ZNF133: variants seen among roughly 807,000 people sequenced by gnomAD.
ZNF133 encodes zinc finger protein 133 (clone pHZ-13).
In ZNF133, 26 loss-of-function variants were observed where a neutral mutation model predicts 54.9. The observed-to-expected ratio is 0.47, with a 90% CI of 0.35 to 0.66. ZNF133 has a LOEUF of 0.66. Ranked by LOEUF, ZNF133 falls within the 30% of genes least tolerant of loss-of-function variation. The pLI is 0.01. For synonymous variants in ZNF133, 298 were observed against 320.3 expected (o/e 0.93, Z 0.74); for missense variants, 653 against 820.8 (o/e 0.80, Z 2.50).
Position 18,316,529 on chromosome 20 carries a change from G to C in ZNF133, c.1678G>C (p.Gly560Arg). ...YMCRQCGLGF[G>R]NKSALITHKR... Reference sequence around the variant, plus strand: ...GTGCAGGCAGTGTGGACTGGGCTTTGGCAATAAGTCAGCTCTAATTACACA... The same window carrying C: ...GTGCAGGCAGTGTGGACTGGGCTTTCGCAATAAGTCAGCTCTAATTACACA... The change falls in exon 7 of 7, where the codon GGC (glycine) becomes CGC (arginine). Residue 560 changes from glycine to arginine, a missense_variant. By Grantham distance (125) the Gly-to-Arg change is moderately radical (BLOSUM62 -2). This residue lies in a region of ZNF133 where 129 missense variants were observed against 138.5 expected (regional missense o/e 0.93). Coordinates refer to ENST00000425686, the MANE Select transcript of ZNF133 (RefSeq NM_001352452.2). The C allele has an allele frequency of 6.2e-7, 1 of 1,613,994 alleles. No homozygotes were observed. Among genetic ancestry groups the C allele is most frequent in the Non-Finnish European group, 8.5e-7 (1 of 1,179,872 alleles).
In ZNF133 at chr20:18,316,095, G is replaced by A. The variant is rs748381291; in HGVS notation, c.1244G>A (p.Cys415Tyr). ...GAGAAGCCCTATGTGTGCGGGGTGT[G>A]TGGGCACAGCTTCAGCCAGAATTCA... ...SKEKPYVCGV[C>Y]GHSFSQNSTL... Residue 415 changes from cysteine to tyrosine, a missense_variant, in exon 7 of 7, where the codon TGT becomes TAT. Cys to Tyr is a radical substitution (Grantham distance 194). Transcript: ENST00000425686. 6.2e-7 allele frequency: 1 copy of A among 1,613,226 alleles called. No homozygotes were observed. The highest frequency in any genetic ancestry group is 1.7e-5 in the Admixed American group (1 of 59,984).
chr20:18,294,784 A>C (rs1474567952), intron 1 of ZNF133, among the ~76,000 whole-genome samples: 1 of 152,202 alleles, frequency 6.6e-6, no homozygotes, highest in Non-Finnish European at 1.5e-5. Context: ...ATCCCCTAAA[A>C]TTGAACCAGT....
At chr20:18,313,227 A>C (rs1473961065) in intron 6 of ZNF133, 2 of 152,182 alleles carry the variant, frequency 1.3e-5, no homozygotes, top group Non-Finnish European at 2.9e-5. Flanking sequence ...CCAACTGAAA[A>C]AACTGACTAA....
At chr20:18,303,220 A>AT (rs1243510607) in intron 3 of ZNF133, among the ~76,000 whole-genome samples, 1 of 151,728 alleles carries the variant, frequency 6.6e-6, no homozygotes, top group African/African-American at 2.4e-5. Flanking sequence ...TAATTTTTGT[A>AT]TTTTTTAATA....
chr20:18,293,273 G>C (rs2041482576), intron 1 of ZNF133, among the ~76,000 whole-genome samples: 1 of 152,178 alleles, frequency 6.6e-6, no homozygotes, highest in African/African-American at 2.4e-5. Flanking sequence ...AGTCATTTGG[G>C]GACTCATTTG....
intron 1 of ZNF133, among the ~76,000 whole-genome samples, chr20:18,296,770 T>C (rs2042316109): frequency 6.6e-6 from 1 of 152,240 alleles, no homozygotes; most frequent in Non-Finnish European, 1.5e-5. Flanking sequence ...TTCAGTTCTT[T>C]TGCGTATATA....
chr20:18,311,391 T>C (rs1043104739), intron 6 of ZNF133, among the ~76,000 whole-genome samples: 2 of 152,170 alleles, frequency 1.3e-5, no homozygotes, highest in Non-Finnish European at 2.9e-5. Context: ...TATTTCTAAG[T>C]TGAGTATACA....
chr20:18,314,397 A>G (rs1051911140), intron 6 of ZNF133: 2 of 152,156 alleles, frequency 1.3e-5, no homozygotes, highest in Admixed American at 1.3e-4. Flanking sequence ...CTAATTATGG[A>G]AATAGGTTGG....
At chr20:18,297,589 A>G (rs1197174562) in intron 1 of ZNF133, among the ~76,000 whole-genome samples, 2 of 151,370 alleles carry the variant, frequency 1.3e-5, no homozygotes, top group African/African-American at 4.9e-5. Context: ...ATTTTTTTTA[A>G]TAGACTACAA....
intron 1 of ZNF133, among the ~76,000 whole-genome samples, chr20:18,289,118 G>C (rs1170223284): frequency 6.6e-6 from 1 of 151,980 alleles, no homozygotes; most frequent in Non-Finnish European, 1.5e-5. Context: ...AGTGGAATGA[G>C]GAGCGGTCTG....
In ZNF133 at chr20:18,315,764, C is replaced by T. The variant is rs1168444152; in HGVS notation, c.913C>T (p.Arg305Ter). ...EKPYMCSECG[R>*]GFSQKSNLII... ...ACCTTACATGTGCAGTGAGTGTGGG[C>T]GAGGCTTCAGCCAGAAGTCAAACCT... is the stretch of plus-strand genomic sequence containing the variant. Residue 305 changes from arginine to a stop codon, truncating the protein, a stop_gained, in exon 7 of 7, where the codon CGA becomes TGA. Coordinates refer to ENST00000425686, the MANE Select transcript of ZNF133 (RefSeq NM_001352452.2). LOFTEE classifies it high-confidence loss of function. 1.9e-6 allele frequency: 3 copies of T among 1,614,108 alleles called. No homozygotes were observed. The highest frequency in any genetic ancestry group is 2.2e-5 in the East Asian group (1 of 44,882).
intron 6 of ZNF133, chr20:18,310,196 G>A (rs762329456): frequency 4.5e-5 from 65 of 1,437,832 alleles, no homozygotes; most frequent in Non-Finnish European, 5.9e-5. Flanking sequence ...CAATGATGTT[G>A]AGCACATTAA....
chr20:18,296,024 C>T (rs1190012421), intron 1 of ZNF133, among the ~76,000 whole-genome samples: 1 of 152,040 alleles, frequency 6.6e-6, no homozygotes, highest in Non-Finnish European at 1.5e-5. Context: ...TGTGTATTCC[C>T]TTTAATTCCT....
At chr20:18,312,946 G>A (rs985070763) in intron 6 of ZNF133, 1 of 151,988 alleles carries the variant, frequency 6.6e-6, no homozygotes, top group Non-Finnish European at 1.5e-5. Flanking sequence ...CTGACCTCAA[G>A]TGATCCACTC....
intron 3 of ZNF133, among the ~76,000 whole-genome samples, chr20:18,299,341 T>G (rs1391291617): frequency 1.3e-5 from 2 of 152,260 alleles, no homozygotes; most frequent in East Asian, 1.9e-4. Flanking sequence ...AGAAGTAGAT[T>G]TGAGCAGACG....
rs2044291584 is a variant in ZNF133 at position 18,305,046 on chromosome 20, A to G, written c.-139A>G. The G allele has an allele frequency of 3.0e-6, 3 of 985,380 alleles. No homozygotes were observed. The highest frequency in any genetic ancestry group is 1.7e-5 in the African/African-American group (1 of 57,244). The allele number at this position is 985,380 out of a possible 1,614,324, so 61.0% of individuals were successfully genotyped here. ...TGGAAGTAGTGCTAAGAAAATTAAA[A>G]GAATAAAACTGGGCAGGGGCATGAG... On this transcript the variant is annotated 5_prime_UTR_variant, in exon 4 of 7. Coordinates refer to ENST00000425686, the MANE Select transcript of ZNF133 (RefSeq NM_001352452.2). The surrounding 1 kb of genome is among the most constrained non-coding windows in gnomAD (Gnocchi z 4.7).
intron 3 of ZNF133, among the ~76,000 whole-genome samples, chr20:18,301,000 C>T (rs897047066): frequency 4.6e-5 from 7 of 152,060 alleles, no homozygotes; most frequent in African/African-American, 1.7e-4. Context: ...AAATAGAATA[C>T]ACGTTCTTCT....
In ZNF133 at chr20:18,301,210, A is replaced by G. The variant is rs2043293401; in HGVS notation, c.-178+2746A>G. Reference sequence around the variant, plus strand: ...GGTAGAGGAATAAACTACAAGGGAAATTAGACCATACTTTGAGTCAAGTGA... The same window carrying G: ...GGTAGAGGAATAAACTACAAGGGAAGTTAGACCATACTTTGAGTCAAGTGA... On this transcript the variant is annotated intron_variant, in intron 3 of 6. Transcript: ENST00000425686. Among the ~76,000 whole-genome samples, 4 of 152,216 alleles carry G rather than the reference A, an allele frequency of 2.6e-5. No homozygotes were observed. The South Asian group carries it at 8.3e-4, about 32-fold the overall frequency.
Position 18,314,922 on chromosome 20 carries a change from TA to T in ZNF133, c.218-146del, listed in dbSNP as rs569107462. The T allele has an allele frequency of 7.5e-5, 51 of 677,920 alleles. No individual in the cohort carries two copies. The African/African-American group carries it at 8.4e-4, about 11-fold the overall frequency. The allele number at this position is 677,920 out of a possible 1,614,324, so 42.0% of individuals were successfully genotyped here. On this transcript the variant is annotated intron_variant, in intron 6 of 6. Transcript: ENST00000425686. The stretch of plus-strand genomic sequence containing the variant: ...TAATGCTAGACGTAATAAGTAGCAG[TA>T]GGCTGGAGAGTAGGCCATGTAAAGG...
Sources: gnomAD v4.1 joint callset for allele counts (sites outside exome capture counted in the v4.1 genomes callset) on GRCh38, gnomAD v4.1.1 for gene constraint, gnomAD v4.1.1 regional missense constraint, Gnocchi (gnomAD v3.1) non-coding constraint, MANE v1.5 for transcripts, NCBI Gene and HGNC (gene_info 2026-07-23, HGNC 2026-07-21) for gene names.